Variants in GFRA1 observed in about 807,000 individuals in gnomAD.
GFRA1 encodes the protein GDNF family receptor alpha-1.
Under a neutral mutation model 51.6 loss-of-function variants are expected in GFRA1, and 16 were observed. That is an observed-to-expected ratio of 0.31 (90% CI 0.21 to 0.47). GFRA1 has a LOEUF of 0.47. GFRA1 is among the 20% of genes least tolerant of loss of function. The pLI, the probability that GFRA1 is intolerant of heterozygous loss-of-function variation, is 1.00. For missense variants in GFRA1, 530 were observed against 594.3 expected (o/e 0.89, Z 1.13); for synonymous variants, 270 against 241.3 (o/e 1.12, Z -1.10).
intron 9 of GFRA1, among the ~76,000 whole-genome samples, 189 bp from the exon 10 acceptor site, chr10:116,065,815 AAT>A (rs1955081391): frequency 1.3e-5 from 2 of 152,176 alleles, no homozygotes; most frequent in South Asian, 4.1e-4. Flanking sequence ...TAATTTTAAT[AAT>A]ATATATTATT....
At chr10:116,247,940 CT>C (rs1968001343) in intron 4 of GFRA1, among the ~76,000 whole-genome samples, 1 of 152,140 alleles carries the variant, frequency 6.6e-6, no homozygotes, top group African/African-American at 2.4e-5. Context: ...TGCCATGATA[CT>C]TTAAGGAGAC....
intron 5 of GFRA1, among the ~76,000 whole-genome samples, chr10:116,205,478 G>A (rs373061129): frequency 2.6e-4 from 39 of 151,840 alleles, no homozygotes; most frequent in African/African-American, 8.5e-4. Context: ...AGGAGGCTGA[G>A]GCAGGAGAAT....
intron 5 of GFRA1, among the ~76,000 whole-genome samples, chr10:116,145,283 C>G (rs1958753313): frequency 6.6e-6 from 1 of 151,538 alleles, no homozygotes; most frequent in African/African-American, 2.4e-5. Flanking sequence ...ATAATGATTT[C>G]CAGAAATCAC....
intron 6 of GFRA1, among the ~76,000 whole-genome samples, chr10:116,118,101 C>A (rs7081838): frequency 0.5 from 75,868 of 152,034 alleles, 20,212 homozygotes; most frequent in Admixed American, 0.63. Flanking sequence ...ATTGTAACCC[C>A]ACCCCTATAT....
intron 5 of GFRA1, among the ~76,000 whole-genome samples, chr10:116,177,186 A>G (rs1457535278): frequency 6.6e-6 from 1 of 152,200 alleles, no homozygotes; most frequent in Non-Finnish European, 1.5e-5. Context: ...CCCTACTCAG[A>G]CAATGAGGAG....
At chr10:116,072,327 T>C (rs1485872117) in intron 9 of GFRA1, among the ~76,000 whole-genome samples, 1 of 152,180 alleles carries the variant, frequency 6.6e-6, no homozygotes, top group African/African-American at 2.4e-5. Flanking sequence ...GTGGGTCTTG[T>C]GCAGTAGCCA....
At chr10:116,176,997 G>C (rs1961683730) in intron 5 of GFRA1, among the ~76,000 whole-genome samples, 1 of 152,180 alleles carries the variant, frequency 6.6e-6, no homozygotes, top group Non-Finnish European at 1.5e-5. Flanking sequence ...AAGGGAGACA[G>C]AGATCAATGG....
intron 9 of GFRA1, among the ~76,000 whole-genome samples, chr10:116,067,946 T>C (rs946824842): frequency 3.9e-5 from 6 of 152,200 alleles, no homozygotes; most frequent in Admixed American, 2.6e-4. Flanking sequence ...AAAGCGGGTA[T>C]CCCATTGGCC....
At chr10:116,089,297 G>C (rs74158565) in intron 9 of GFRA1, among the ~76,000 whole-genome samples, 1 of 152,104 alleles carries the variant, frequency 6.6e-6, no homozygotes, top group Non-Finnish European at 1.5e-5. Flanking sequence ...ACTGTCTCTG[G>C]TTTACCTTTA....
At chr10:116,113,104 TTCTC>T (rs142851347) in intron 6 of GFRA1, among the ~76,000 whole-genome samples, 1 of 151,730 alleles carries the variant, frequency 6.6e-6, no homozygotes, top group African/African-American at 2.4e-5. Flanking sequence ...TTAATGACTT[TTCTC>T]TCTCTCTCTC....
chr10:116,270,071 A>G (rs547582357), intron 3 of GFRA1, among the ~76,000 whole-genome samples: 3 of 152,230 alleles, frequency 2.0e-5, no homozygotes, highest in Non-Finnish European at 4.4e-5. Context: ...TGACAGGTCA[A>G]ATCTGTATAA....
intron 6 of GFRA1, among the ~76,000 whole-genome samples, chr10:116,113,010 C>A (rs1399909132): frequency 2.0e-5 from 3 of 152,304 alleles, no homozygotes; most frequent in Middle Eastern, 6.8e-3. Flanking sequence ...GTTCTCAAAG[C>A]GAGGTCTAGG....
At chr10:116,149,648 T>G (rs1411985324) in intron 5 of GFRA1, among the ~76,000 whole-genome samples, 2 of 152,220 alleles carry the variant, frequency 1.3e-5, no homozygotes, top group African/African-American at 4.8e-5. Context: ...GTCTACCTAA[T>G]GGACTCAGTC....
intron 6 of GFRA1, among the ~76,000 whole-genome samples, chr10:116,118,043 AG>A (rs55715162): frequency 0.93 from 142,074 of 152,190 alleles, 67,090 homozygotes; most frequent in East Asian, 1. Context: ...CTTTCTCTAG[AG>A]GAACAAATCT....
intron 5 of GFRA1, among the ~76,000 whole-genome samples, chr10:116,198,825 C>G (rs952494861): frequency 6.6e-6 from 1 of 152,184 alleles, no homozygotes; most frequent in Non-Finnish European, 1.5e-5. Context: ...CTTCTCCCCT[C>G]GAACCTCAGC....
In GFRA1 at chr10:116,248,114, G is replaced by A. The variant is rs148192283; in HGVS notation, c.418+21389C>T. ...AAAATTCCCTGCCAACTGGGGAGCC[G>A]ACTGTGTGCTCCACAGGCTGAATCC... is the stretch of plus-strand genomic sequence containing the variant. On this transcript the variant is annotated intron_variant, in intron 4 of 10. Coordinates refer to ENST00000355422, the MANE Select transcript of GFRA1 (RefSeq NM_005264.8). Among the ~76,000 whole-genome samples the A allele has an allele frequency of 2.9e-3, 449 of 152,298 alleles. 3 individuals are homozygous for A. The highest frequency in any genetic ancestry group is 0.014 in the Middle Eastern group (4 of 294).
chr10:116,196,942 C>T (rs994622022), intron 5 of GFRA1, among the ~76,000 whole-genome samples: 1 of 142,160 alleles, frequency 7.0e-6, no homozygotes, highest in Non-Finnish European at 1.5e-5. Flanking sequence ...TCTAGGAAGT[C>T]ACTCTTCTTT....
At chr10:116,114,646 C>T (rs1263486065) in intron 6 of GFRA1, among the ~76,000 whole-genome samples, 1 of 152,188 alleles carries the variant, frequency 6.6e-6, no homozygotes, top group African/African-American at 2.4e-5. Flanking sequence ...ATCCTCCCAC[C>T]TCTCAGCCTC....
intron 4 of GFRA1, among the ~76,000 whole-genome samples, chr10:116,214,550 A>G (rs1202775002): frequency 1.3e-5 from 2 of 152,226 alleles, no homozygotes; most frequent in African/African-American, 2.4e-5. Flanking sequence ...CCAGGACCAC[A>G]TGAGATTCAT....
Sources: gnomAD v4.1 joint callset for allele counts (sites outside exome capture counted in the v4.1 genomes callset) on GRCh38, gnomAD v4.1.1 for gene constraint, MANE v1.5 for transcripts, NCBI Gene and HGNC (gene_info 2026-07-23, HGNC 2026-07-21) for gene names.